SALL3: variants seen among roughly 807,000 people sequenced by gnomAD.
The protein encoded by SALL3 is spalt like transcription factor 3.
In SALL3, 25 loss-of-function variants were observed where a neutral mutation model predicts 66.2. The ratio of observed to expected loss-of-function variants is 0.38; its 90% CI spans 0.28 to 0.53. SALL3 has a LOEUF of 0.53. Among genes scored for constraint, SALL3 ranks in the 20% least tolerant of loss-of-function variants. SALL3 has a pLI of 0.85. For missense variants in SALL3, 2,194 were observed against 1,916.5 expected (o/e 1.14, Z -2.70); for synonymous variants, 1,152 against 899.1 (o/e 1.28, Z -5.03).
chr18:78,991,772 C>T (rs1914441759), intron 1 of SALL3: 2 of 359,814 alleles, frequency 5.6e-6, no homozygotes, highest in Non-Finnish European at 9.9e-6. Context: ...CATCGAAAGC[C>T]GGCTTTGTAC....
intron 1 of SALL3, among the ~76,000 whole-genome samples, chr18:78,983,451 GTATTA>G (rs1914141482): frequency 1.3e-5 from 2 of 152,134 alleles, no homozygotes; most frequent in African/African-American, 4.8e-5. Flanking sequence ...GAACAAAAGG[GTATTA>G]TAATTTAAAA....
Position 78,992,223 on chromosome 18 carries a change from C to A in SALL3, c.232C>A (p.Pro78Thr). The A allele has an allele frequency of 6.2e-7, 1 of 1,606,594 alleles. No homozygotes were observed. The highest frequency in any genetic ancestry group is 1.1e-5 in the South Asian group (1 of 90,600). The change falls in exon 2 of 3, where the codon CCC becomes ACC. Residue 78 changes from proline to threonine, a missense_variant. Pro to Thr is a conservative substitution (Grantham distance 38). Transcript: ENST00000537592. ...CCAGCGGAGCTGCACCAAGCTCCCG[C>A]CCGTGCTGATCGTGCACGAGGACGC... ...EHQRSCTKLP[P>T]VLIVHEDAPA...
rs368545900 is a variant in SALL3 at position 78,992,201 on chromosome 18, G to A, written c.210G>A (p.Gln70=). The A allele has an allele frequency of 3.1e-6, 5 of 1,610,076 alleles. No homozygotes were observed. Among genetic ancestry groups the A allele is most frequent in the South Asian group, 1.1e-5 (1 of 90,814 alleles). ...AGTGGGCGGACTTCCTGGAGCACCA[G>A]CGGAGCTGCACCAAGCTCCCGCCCG... ...FFKWADFLEH[Q]RSCTKLPPVL... is the part of the protein sequence containing the mutation. The change falls in exon 2 of 3, where the codon CAG becomes CAA. Residue 70 remains glutamine, a synonymous_variant. Coordinates refer to ENST00000537592, the MANE Select transcript of SALL3 (RefSeq NM_171999.4).
rs1332201156 is a variant in SALL3, at chr18:78,993,599, C to T, written c.1608C>T (p.Gly536=). Residue 536 remains glycine, a synonymous_variant, in exon 2 of 3, where the codon GGC becomes GGT. Coordinates refer to ENST00000537592, the MANE Select transcript of SALL3 (RefSeq NM_171999.4). Reference sequence around the variant, plus strand: ...TGCAACTGCCGCCCACTGTCCCTGGCGCGCACGGCTACGCCGACTCTCCCA... The same window carrying T: ...TGCAACTGCCGCCCACTGTCCCTGGTGCGCACGGCTACGCCGACTCTCCCA... ...VGLQLPPTVP[G]AHGYADSPSA... is the part of the protein sequence containing the mutation. The T allele has an allele frequency of 4.4e-6, 7 of 1,586,260 alleles. No homozygotes were observed. Among genetic ancestry groups the T allele is most frequent in the East Asian group, 2.3e-5 (1 of 43,518 alleles).
In SALL3 at chr18:78,996,977, G is replaced by A. The variant is rs962412114; in HGVS notation, c.3558G>A (p.Gly1186=). The change falls in exon 3 of 3, where the codon GGG becomes GGA. Residue 1186 remains glycine (G), a synonymous_variant. Transcript: ENST00000537592. ...TGGAGAACCCCATGGCTCTCCTAGGGGGTGATGCCCTGAAGTTCTCTGAAA... is the reference window on the plus strand; with the variant it reads ...TGGAGAACCCCATGGCTCTCCTAGGAGGTGATGCCCTGAAGTTCTCTGAAA... The part of the protein sequence containing the change: ...LSVENPMALL[G]GDALKFSEMF... 1 of 1,614,040 alleles carries A rather than the reference G, an allele frequency of 6.2e-7. No individual in the cohort carries two copies. The highest frequency in any genetic ancestry group is 1.3e-5 in the African/African-American group (1 of 75,072).
At chr18:78,981,588 G>A (rs533755503) in intron 1 of SALL3, among the ~76,000 whole-genome samples, 1 of 152,332 alleles carries the variant, frequency 6.6e-6, no homozygotes, top group South Asian at 2.1e-4. Context: ...CGCGGCTGGA[G>A]AATTAATGAA....
chr18:78,993,805 A>G lies in SALL3; in HGVS notation c.1814A>G (p.Asn605Ser), dbSNP rs747934520. The stretch of plus-strand genomic sequence containing the variant: ...GAGCCCGTCAGCCTGCCCTGCACCA[A>G]CGCCAGGGCCGGGGACGCTCCCGTG... The part of the protein sequence containing the change: ...KAEPVSLPCT[N>S]ARAGDAPVGA... The change falls in exon 2 of 3, where the codon AAC (asparagine) becomes AGC (serine). Residue 605 changes from asparagine (N) to serine (S), a missense_variant. Transcript: ENST00000537592. 2 of 1,553,306 alleles carry G rather than the reference A, an allele frequency of 1.3e-6. No individual in the cohort carries two copies. Among genetic ancestry groups the G allele is most frequent in the South Asian group, 2.4e-5 (2 of 84,764 alleles).
At chr18:78,986,398 C>T (rs1382376488) in intron 1 of SALL3, among the ~76,000 whole-genome samples, 1 of 152,172 alleles carries the variant, frequency 6.6e-6, no homozygotes, top group African/African-American at 2.4e-5. Context: ...ACTCTGAGGT[C>T]TCGGGAAAAG....
chr18:78,980,052 GCATAGGCCGCCGGAGT>G lies in SALL3; in HGVS notation c.-221_-206del, dbSNP rs1426974788. Among the ~76,000 whole-genome samples the G allele has an allele frequency of 6.9e-6, 1 of 145,912 alleles. No individual in the cohort carries two copies. Among genetic ancestry groups the G allele is most frequent in the Admixed American group, 6.8e-5 (1 of 14,766 alleles). On this transcript the variant is annotated 5_prime_UTR_variant, in exon 1 of 3. Transcript: ENST00000537592. ...GCTAATTGCGAGCGCGGCCTCATTT[GCATAGGCCGCCGGAGT>G]CCGCTGGAGCCCGGCCAATCGGCGC...
chr18:78,992,102 A>G lies in SALL3; in HGVS notation c.111A>G (p.Ala37=). 6.4e-7 allele frequency: 1 copy of G among 1,574,342 alleles called. No individual in the cohort carries two copies. Among genetic ancestry groups the G allele is most frequent in the East Asian group, 2.3e-5 (1 of 42,866 alleles). ...HAAPGEGAED[A]DSGPESRSGG... is the part of the protein sequence containing the mutation. ...CCCCGGGGGAAGGTGCGGAGGACGC[A>G]GACAGCGGGCCCGAGAGCCGCAGCG... Residue 37 remains alanine, a synonymous_variant, in exon 2 of 3, where the codon GCA becomes GCG. Transcript: ENST00000537592.
rs1255361015 is a variant in SALL3 at position 78,980,341 on chromosome 18, G to A, written c.67G>A (p.Gly23Arg). ...KSDEELLPPD[G>R]APEHAAPGEG... is the part of the protein sequence containing the mutation. ...GGACGAGGAGCTGCTGCCGCCTGAC[G>A]GGGCTCCCGAGCACGGTGAGGGCCG... Residue 23 changes from glycine (G) to arginine (R), a missense_variant, in exon 1 of 3, where the codon GGG (glycine) becomes AGG (arginine). Physicochemically the swap from Gly to Arg is moderately radical, Grantham distance 125 (BLOSUM62 -2). Transcript: ENST00000537592. The A allele has an allele frequency of 2.1e-6, 3 of 1,439,832 alleles. No homozygotes were observed. Among genetic ancestry groups the A allele is most frequent in the Non-Finnish European group, 9.2e-7 (1 of 1,090,970 alleles). 89.2% of individuals were successfully genotyped at this position (1,439,832 alleles called of 1,614,324 possible).
Position 78,995,208 on chromosome 18 carries a change from G to C in SALL3, c.3217G>C (p.Ala1073Pro). 6.2e-7 allele frequency: 1 copy of C among 1,608,950 alleles called. No homozygotes were observed. Among genetic ancestry groups the C allele is most frequent in the Non-Finnish European group, 8.5e-7 (1 of 1,179,938 alleles). Reference sequence around the variant, plus strand: ...AGTGAACGGTCACGGCAAGGCCATGGCGCTGGGCGAGGGTCCCCCGCTGCC... The same window carrying C: ...AGTGAACGGTCACGGCAAGGCCATGCCGCTGGGCGAGGGTCCCCCGCTGCC... ...MEVNGHGKAM[A>P]LGEGPPLPAG... Residue 1073 changes from alanine (A) to proline (P), a missense_variant, in exon 2 of 3, where the codon GCG becomes CCG. Transcript: ENST00000537592.
chr18:78,996,820 C>T (rs748989222), intron 2 of SALL3, 71 bp from the exon 3 acceptor site: 56 of 1,462,556 alleles, frequency 3.8e-5, no homozygotes, highest in East Asian at 7.2e-5. Context: ...CTGTCTGCTG[C>T]GCTGGAAGCG....
rs75002756 is a variant in SALL3 at position 78,986,598 on chromosome 18, A to G, written c.83-5476A>G. On this transcript the variant is annotated intron_variant, in intron 1 of 2. Transcript: ENST00000537592. ...GCAAGAAAATAAGTGTCTCCTAACA[A>G]TTTAGGAAAACTGGAAAAAAATGCT... 8.9e-3 allele frequency among the ~76,000 whole-genome samples: 1,357 copies of G among 152,356 alleles called. 20 individuals are homozygous for G. The highest frequency in any genetic ancestry group is 0.031 in the African/African-American group (1,295 of 41,586).
chr18:78,982,048 C>T (rs1255862270), intron 1 of SALL3, among the ~76,000 whole-genome samples: 2 of 152,210 alleles, frequency 1.3e-5, no homozygotes, highest in South Asian at 2.1e-4. Context: ...TGTGCGATGT[C>T]TCCTTTTATT....
Position 78,994,860 on chromosome 18 carries a change from AAGG to A in SALL3, c.2876_2878del (p.Glu959del). The A allele has an allele frequency of 6.2e-7, 1 of 1,604,930 alleles. No homozygotes were observed. The highest frequency in any genetic ancestry group is 8.5e-7 in the Non-Finnish European group (1 of 1,175,986). ...AGGCGCCCCTGGCCGCGCGGGCATC[AAGG>A]AGGAGGCGCCCTTCAGCCTGCTGTT... is the stretch of plus-strand genomic sequence containing the variant. On this transcript the variant is annotated inframe_deletion, in exon 2 of 3. Coordinates refer to ENST00000537592, the MANE Select transcript of SALL3 (RefSeq NM_171999.4).
At position 78,992,710 on chromosome 18, in the gene SALL3, CCTCA is replaced by C; in HGVS notation, c.724_727del (p.Leu242AlafsTer152). On this transcript the variant is annotated frameshift_variant, in exon 2 of 3. Coordinates refer to ENST00000537592, the MANE Select transcript of SALL3 (RefSeq NM_171999.4). LOFTEE classifies it high-confidence loss of function. ...CTCATGCAGCGCCCGCCGCCGCGGC[CCTCA>C]CTCAGCCCCGCGGCCGCCCCGAGCG... The C allele has an allele frequency of 6.7e-7, 1 of 1,486,180 alleles. No individual in the cohort carries two copies. The highest frequency in any genetic ancestry group is 8.9e-7 in the Non-Finnish European group (1 of 1,120,458). 92.1% of individuals were successfully genotyped at this position (1,486,180 alleles called of 1,614,324 possible).
intron 1 of SALL3, among the ~76,000 whole-genome samples, chr18:78,989,005 G>T (rs1188412082): frequency 6.6e-6 from 1 of 152,136 alleles, no homozygotes; most frequent in Non-Finnish European, 1.5e-5. Flanking sequence ...TGGTCACAAT[G>T]ACATTTTTTA....
chr18:78,981,233 C>G (rs1380517972), intron 1 of SALL3, among the ~76,000 whole-genome samples: 2 of 152,118 alleles, frequency 1.3e-5, no homozygotes, highest in Non-Finnish European at 2.9e-5. Flanking sequence ...GGCGCCCCCA[C>G]CCCCTTCGTC....
Sources: gnomAD v4.1 joint callset for allele counts (sites outside exome capture counted in the v4.1 genomes callset) on GRCh38, gnomAD v4.1.1 for gene constraint, MANE v1.5 for transcripts, NCBI Gene and HGNC (gene_info 2026-07-23, HGNC 2026-07-21) for gene names.